The following SCN10A variants were observed in gnomAD, a reference collection of about 807,000 sequenced individuals.
The protein encoded by SCN10A is sodium voltage-gated channel alpha subunit 10.
A neutral mutation model predicts 170.7 loss-of-function variants in SCN10A; 162 were observed. The ratio of observed to expected loss-of-function variants is 0.95; its 90% CI spans 0.84 to 1.08. The LOEUF (loss-of-function observed/expected upper bound fraction) is 1.08. SCN10A is among the 50% of genes least tolerant of loss of function. The probability of loss-of-function intolerance (pLI) is 0.00; values close to 1 mark genes in which losing one functional copy is unlikely to be tolerated. For synonymous variants in SCN10A, 985 were observed against 904.6 expected (o/e 1.09, Z -1.59); for missense variants, 2,527 against 2,436.9 (o/e 1.04, Z -0.78).
chr3:38,782,744 T>G (rs2064153768), intron 4 of SCN10A, among the ~76,000 whole-genome samples: 1 of 152,162 alleles, frequency 6.6e-6, no homozygotes, highest in Non-Finnish European at 1.5e-5. Flanking sequence ...ATTTATATTT[T>G]CAGTGTTCTG....
In SCN10A at chr3:38,697,591, G is replaced by A. The variant is rs770710528; in HGVS notation, c.5629C>T (p.Pro1877Ser). ...LHRSMALSNTPCVPRAEEEAA... is the reference protein window; with the variant it reads ...LHRSMALSNTSCVPRAEEEAA... ...TCCTCCTCAGCTCTGGGCACACATG[G>A]GGTGTTAGAGAGTGCCATGGAGCGG... is the stretch of plus-strand genomic sequence containing the variant. The change falls in exon 28 of 28, where the codon CCA becomes TCA. Residue 1877 changes from proline to serine, a missense_variant. Pro to Ser is a moderately conservative substitution (Grantham distance 74, BLOSUM62 -1). Transcript: ENST00000449082. 2.5e-6 allele frequency: 4 copies of A among 1,614,182 alleles called. No individual in the cohort carries two copies. The highest frequency in any genetic ancestry group is 3.4e-6 in the Non-Finnish European group (4 of 1,180,038).
chr3:38,705,544 G>T (rs1414904710), intron 26 of SCN10A, among the ~76,000 whole-genome samples: 1 of 152,152 alleles, frequency 6.6e-6, no homozygotes, highest in African/African-American at 2.4e-5. Flanking sequence ...CAACATTAGG[G>T]TCATGCCTTT....
At chr3:38,739,124 A>C in intron 15 of SCN10A, among the ~76,000 whole-genome samples, 1 of 152,104 alleles carries the variant, frequency 6.6e-6, no homozygotes, top group East Asian at 1.9e-4. Flanking sequence ...AAAAACGACT[A>C]TCTCTCAGGG....
intron 18 of SCN10A, among the ~76,000 whole-genome samples, chr3:38,724,603 A>C (rs541186547): frequency 1.3e-5 from 2 of 152,344 alleles, no homozygotes; most frequent in East Asian, 3.9e-4. Context: ...TGCCTAGAGA[A>C]AATGATGTGG....
chr3:38,801,660 A>C (rs142755735), intron 1 of SCN10A, among the ~76,000 whole-genome samples: 208 of 152,072 alleles, frequency 1.4e-3, no homozygotes, highest in African/African-American at 4.8e-3. Flanking sequence ...CCTGTAACTC[A>C]CTGAGGTCTT....
chr3:38,800,513 A>G lies in SCN10A; in HGVS notation c.-32-6471T>C, dbSNP rs541058045. On this transcript the variant is annotated intron_variant, in intron 1 of 27. Transcript: ENST00000449082. ...TCTGGTGAAGCCATGATCTACTCCC[A>G]CAGTCTTAGGGCCTGGATGAAAATC... is the stretch of plus-strand genomic sequence containing the variant. Among the ~76,000 whole-genome samples the G allele has an allele frequency of 2.0e-5, 3 of 152,280 alleles. No homozygotes were observed. In the South Asian group the frequency reaches 6.2e-4, roughly 32 times the overall value.
At position 38,726,777 on chromosome 3, in the gene SCN10A, T is replaced by C; in HGVS notation, c.2916A>G (p.Gly972=). 6.2e-7 allele frequency: 1 copy of C among 1,611,570 alleles called. No homozygotes were observed. The highest frequency in any genetic ancestry group is 8.5e-7 in the Non-Finnish European group (1 of 1,177,826). The change falls in exon 17 of 28, where the codon GGA becomes GGG. Residue 972 remains glycine, a synonymous_variant. Transcript: ENST00000449082. ...IAANTARGSS[G]GLQAPRGPRD... ...TGGGGCCTCTGGGAGCTTGGAGCCC[T>C]CCAGAGCTCCCCCTGGCAGTGTTGG...
At chr3:38,772,571 T>C (rs999130642) in intron 4 of SCN10A, among the ~76,000 whole-genome samples, 11 of 151,882 alleles carry the variant, frequency 7.2e-5, no homozygotes, top group African/African-American at 2.2e-4. Flanking sequence ...CACCTGTAGT[T>C]CCAGCTACTC....
intron 13 of SCN10A, among the ~76,000 whole-genome samples, chr3:38,745,208 A>G (rs1036647386): frequency 6.6e-6 from 1 of 152,196 alleles, no homozygotes; most frequent in Non-Finnish European, 1.5e-5. Context: ...GACTAAAAGT[A>G]TCTACTTGCC....
At chr3:38,714,211 T>C in intron 21 of SCN10A, 131 bp from the exon 22 acceptor site, 1 of 1,079,254 alleles carries the variant, frequency 9.3e-7, no homozygotes, top group South Asian at 1.7e-5. Flanking sequence ...TCCCACCTTA[T>C]TCGGAACTCC....
chr3:38,717,851 A>G (rs542042787), intron 21 of SCN10A, among the ~76,000 whole-genome samples: 1 of 152,374 alleles, frequency 6.6e-6, no homozygotes, highest in South Asian at 2.1e-4. Flanking sequence ...CCATGCTGCA[A>G]AGCAAAGAAG....
At chr3:38,759,656 T>C (rs1284262516) in intron 8 of SCN10A, among the ~76,000 whole-genome samples, 1 of 152,220 alleles carries the variant, frequency 6.6e-6, no homozygotes, top group African/African-American at 2.4e-5. Flanking sequence ...TATGTAGACA[T>C]TTTTTGGAAT....
chr3:38,810,227 G>T (rs1449095154), intron 1 of SCN10A, among the ~76,000 whole-genome samples: 1 of 152,118 alleles, frequency 6.6e-6, no homozygotes, highest in African/African-American at 2.4e-5. Context: ...GAAAAAATAC[G>T]CAAATTATAA....
chr3:38,728,383 T>C (rs1409982061), intron 16 of SCN10A, among the ~76,000 whole-genome samples, 159 bp downstream of exon 16: 1 of 152,204 alleles, frequency 6.6e-6, no homozygotes, highest in African/African-American at 2.4e-5. Context: ...AAGGCACACT[T>C]CTTGTAATGA....
At chr3:38,762,987 G>A (rs2063892409) in intron 6 of SCN10A, among the ~76,000 whole-genome samples, 2 of 152,052 alleles carry the variant, frequency 1.3e-5, no homozygotes, top group South Asian at 4.1e-4. Context: ...GATCTTAGAG[G>A]CCCCACACAA....
intron 20 of SCN10A, among the ~76,000 whole-genome samples, chr3:38,720,544 T>A (rs2063379332): frequency 6.6e-6 from 1 of 152,142 alleles, no homozygotes; most frequent in South Asian, 2.1e-4. Context: ...ATGTTATTTT[T>A]AAAAGGTACT....
At chr3:38,734,800 C>A (rs540375049) in intron 15 of SCN10A, among the ~76,000 whole-genome samples, 1 of 152,172 alleles carries the variant, frequency 6.6e-6, no homozygotes, top group South Asian at 2.1e-4. Flanking sequence ...ATTAACACTT[C>A]TTTTCAACAG....
intron 12 of SCN10A, 60 bp from the exon 13 acceptor site, chr3:38,750,244 T>C: frequency 3.1e-6 from 3 of 956,424 alleles, no homozygotes; most frequent in Non-Finnish European, 5.0e-6. Context: ...ATGGCAAAGT[T>C]GGATCATTCA....
At chr3:38,814,684 T>A (rs999554915) in intron 1 of SCN10A, among the ~76,000 whole-genome samples, 2 of 152,252 alleles carry the variant, frequency 1.3e-5, no homozygotes, top group Non-Finnish European at 2.9e-5. Context: ...AACATGCTAA[T>A]GTTTCAATTT....
Sources: gnomAD v4.1 joint callset for allele counts (sites outside exome capture counted in the v4.1 genomes callset) on GRCh38, gnomAD v4.1.1 for gene constraint, MANE v1.5 for transcripts, NCBI Gene and HGNC (gene_info 2026-07-23, HGNC 2026-07-21) for gene names.